The following ZDHHC7 variants were observed in gnomAD, a reference collection of about 807,000 sequenced individuals.
ZDHHC7 encodes palmitoyltransferase ZDHHC7.
ZDHHC7 carries 12 observed loss-of-function variants against 34.1 expected under a neutral mutation model. The ratio of observed to expected loss-of-function variants is 0.35; its 90% confidence interval spans 0.23 to 0.57. The LOEUF (loss-of-function observed/expected upper bound fraction) is 0.57. Ranked by LOEUF, ZDHHC7 falls within the 20% of genes least tolerant of loss-of-function variation. The pLI is 0.84. For synonymous variants in ZDHHC7, 185 were observed against 155.4 expected (o/e 1.19, Z -1.42); for missense variants, 388 against 402.7 (o/e 0.96, Z 0.31).
At chr16:85,007,589 G>A (rs2072734875) in intron 1 of ZDHHC7, among the ~76,000 whole-genome samples, 1 of 151,836 alleles carries the variant, frequency 6.6e-6, no homozygotes, top group African/African-American at 2.4e-5. Context: ...CCCATAACAA[G>A]CAGACCAAAG....
rs750565754 is a variant in ZDHHC7 at position 84,977,077 on chromosome 16, G to A, written c.750+18C>T. The A allele has an allele frequency of 8.1e-6, 13 of 1,613,962 alleles. No individual in the cohort carries two copies. Among genetic ancestry groups the A allele is most frequent in the Non-Finnish European group, 1.1e-5 (13 of 1,179,932 alleles). ...TTGGACCACATATGAAGTCCACACA[G>A]CCGAGAACAAAGCTTACCGTCTCGT... On this transcript the variant is annotated intron_variant, in intron 7 of 7. Coordinates refer to ENST00000313732, the MANE Select transcript of ZDHHC7 (RefSeq NM_017740.3).
At chr16:84,979,344 A>C (rs2072337238) in intron 4 of ZDHHC7, 59 bp from the exon 5 acceptor site, 23 of 1,563,512 alleles carry the variant, frequency 1.5e-5, no homozygotes, top group Non-Finnish European at 1.9e-5. Context: ...AGAGTAACAC[A>C]ACCAAATAAA....
intron 4 of ZDHHC7, among the ~76,000 whole-genome samples, chr16:84,980,200 C>T (rs1237319014): frequency 6.6e-6 from 1 of 151,212 alleles, no homozygotes; most frequent in Non-Finnish European, 1.5e-5. Context: ...CTCCTGACCT[C>T]GTGATCCGCC....
chr16:85,010,159 T>A (rs918780475), intron 1 of ZDHHC7, among the ~76,000 whole-genome samples: 2 of 150,836 alleles, frequency 1.3e-5, no homozygotes, highest in African/African-American at 4.9e-5. Flanking sequence ...AGCTGAGACC[T>A]CAGGCGTGTA....
chr16:84,977,181 A>G lies in ZDHHC7; in HGVS notation c.664T>C (p.Phe222Leu). The G allele has an allele frequency of 6.2e-7, 1 of 1,614,260 alleles. No individual in the cohort carries two copies. The highest frequency in any genetic ancestry group is 8.5e-7 in the Non-Finnish European group (1 of 1,180,048). Reference protein sequence around the residue: ...SPPITVILLIFLCLEGLLFFT... With the variant: ...SPPITVILLILLCLEGLLFFT... ...AACAGAAGACCCTCAAGGCACAGGA[A>G]GATCAACAGGATTACAGTTATCGGA... is the stretch of plus-strand genomic sequence containing the variant. The change falls in exon 7 of 8, where the codon TTC (phenylalanine) becomes CTC (leucine). Residue 222 changes from phenylalanine to leucine, a missense_variant. Transcript: ENST00000313732.
the ZDHHC7 span, among the ~76,000 whole-genome samples, chr16:85,020,310 C>T: frequency 2.0e-5 from 3 of 152,200 alleles, no homozygotes; most frequent in African/African-American, 7.2e-5. Context: ...TTTATTCATT[C>T]AACAAGTGTA....
At chr16:84,998,690 C>A (rs1044269420) in intron 1 of ZDHHC7, among the ~76,000 whole-genome samples, 1 of 149,800 alleles carries the variant, frequency 6.7e-6, no homozygotes, top group African/African-American at 2.4e-5. Flanking sequence ...AGGCCCTAGA[C>A]AAACACTGAC....
At chr16:84,990,681 C>T in intron 2 of ZDHHC7, 46 bp from the exon 3 acceptor site, 1 of 1,510,776 alleles carries the variant, frequency 6.6e-7, no homozygotes, top group Non-Finnish European at 9.0e-7. Context: ...AAAAAGCTCA[C>T]AAGCTACCTT....
the ZDHHC7 span, among the ~76,000 whole-genome samples, chr16:85,022,756 G>C: frequency 6.6e-6 from 1 of 152,146 alleles, no homozygotes; most frequent in African/African-American, 2.4e-5. Flanking sequence ...CACCAATAAT[G>C]AGACAAATAG....
chr16:84,979,871 C>T (rs2072343660), intron 4 of ZDHHC7, among the ~76,000 whole-genome samples: 1 of 151,512 alleles, frequency 6.6e-6, no homozygotes, highest in South Asian at 2.1e-4. Flanking sequence ...TTAGTCCAAG[C>T]TTGCACCATT....
In ZDHHC7 at chr16:84,981,913, G is replaced by A. The variant is rs747076465; in HGVS notation, c.397C>T (p.Pro133Ser). 1 of 1,614,174 alleles carries A rather than the reference G, an allele frequency of 6.2e-7. No homozygotes were observed. Among genetic ancestry groups the A allele is most frequent in the South Asian group, 1.1e-5 (1 of 91,076 alleles). ...TCGGGTTTAATACAGCAGCACTTGG[G>A]GCACTTGTAGATGACTTCCCCGGGC... ...LKPGEVIYKC[P>S]KCCCIKPERA... The change falls in exon 4 of 8, where the codon CCC (proline) becomes TCC (serine). Residue 133 changes from proline to serine, a missense_variant. By Grantham distance (74) the Pro-to-Ser change is moderately conservative. Coordinates refer to ENST00000313732, the MANE Select transcript of ZDHHC7 (RefSeq NM_017740.3).
At chr16:84,989,431 C>G (rs916195779) in intron 3 of ZDHHC7, among the ~76,000 whole-genome samples, 2 of 152,202 alleles carry the variant, frequency 1.3e-5, no homozygotes, top group Non-Finnish European at 2.9e-5. Flanking sequence ...CGCGATGGCT[C>G]ATGCCTGTAA....
At chr16:84,977,893 G>A (rs748787531) in intron 6 of ZDHHC7, 31 bp downstream of exon 6, 1 of 1,570,730 alleles carries the variant, frequency 6.4e-7, no homozygotes, top group Non-Finnish European at 8.7e-7. Flanking sequence ...AGCATGCAAA[G>A]CCAGGAATGA....
At chr16:84,991,296 CT>C (rs962932479) in intron 2 of ZDHHC7, among the ~76,000 whole-genome samples, 1 of 151,818 alleles carries the variant, frequency 6.6e-6, no homozygotes, top group Non-Finnish European at 1.5e-5. Flanking sequence ...CTATTTTAAT[CT>C]TTTTTTTGAA....
chr16:84,998,757 T>TC (rs1303379321), intron 1 of ZDHHC7, among the ~76,000 whole-genome samples: 2 of 147,410 alleles, frequency 1.4e-5, no homozygotes, highest in East Asian at 2.0e-4. Context: ...ACCTTTTTTT[T>TC]TTTTTTTTTT....
the ZDHHC7 span, among the ~76,000 whole-genome samples, chr16:85,023,347 TAG>T: frequency 6.6e-6 from 1 of 152,072 alleles, no homozygotes; most frequent in African/African-American, 2.4e-5. Flanking sequence ...GTATTTTTAG[TAG>T]AGACAGGGTT....
At chr16:85,021,137 T>C in the ZDHHC7 span, among the ~76,000 whole-genome samples, 2 of 144,558 alleles carry the variant, frequency 1.4e-5, no homozygotes, top group East Asian at 2.1e-4. Context: ...AAGGGGGGGG[T>C]GCACAGTGGC....
At chr16:84,992,536 G>A (rs1042390140) in intron 2 of ZDHHC7, among the ~76,000 whole-genome samples, 2 of 152,148 alleles carry the variant, frequency 1.3e-5, no homozygotes, top group Non-Finnish European at 2.9e-5. Flanking sequence ...TTGATTGTAC[G>A]CCCTTCTCTT....
rs372275219 is a variant in ZDHHC7 at position 84,990,381 on chromosome 16, C to A, written c.238G>T (p.Val80Leu). ...CAGTTAAAGATGACCCCGTTGACCA[C>A]AGAGTACCAGAAGTCTTTGGAAGGC... The part of the protein sequence containing the change: ...LLPSKDFWYS[V>L]VNGVIFNCLA... The change falls in exon 3 of 8, where the codon GTG becomes TTG. Residue 80 changes from valine (V) to leucine (L), a missense_variant. Physicochemically the swap from Val to Leu is conservative, Grantham distance 32. Transcript: ENST00000313732. 12 of 1,614,014 alleles carry A rather than the reference C, an allele frequency of 7.4e-6. No homozygotes were observed. The Admixed American group carries it at 1.3e-4, about 18-fold the overall frequency.
Sources: allele counts gnomAD v4.1 joint callset (sites outside exome capture counted in the v4.1 genomes callset), GRCh38; gene constraint gnomAD v4.1.1; transcripts MANE v1.5; gene names NCBI Gene and HGNC (gene_info 2026-07-23, HGNC 2026-07-21).